SEMA6A: variants seen among roughly 807,000 people sequenced by gnomAD.
SEMA6A encodes the protein semaphorin-6A.
SEMA6A carries 25 observed loss-of-function variants against 96.8 expected under a neutral mutation model. The observed-to-expected ratio is 0.26, with a 90% CI of 0.19 to 0.36. The LOEUF is 0.36. SEMA6A is among the 10% of genes least tolerant of loss of function. The pLI is 1.00. For missense variants in SEMA6A, 1,363 were observed against 1,323.1 expected (o/e 1.03, Z -0.47); for synonymous variants, 612 against 518.0 (o/e 1.18, Z -2.46).
Position 116,454,173 on chromosome 5 carries a change from G to C in SEMA6A, c.1895-6362C>G, listed in dbSNP as rs548811902. Among the ~76,000 whole-genome samples, 3 of 152,292 alleles carry C rather than the reference G, an allele frequency of 2.0e-5. No individual in the cohort carries two copies. The East Asian group carries it at 5.8e-4, about 29-fold the overall frequency. ...ACCACAAAGACAACAAAGCCTCTCT[G>C]TGTCCTTTAGAGAAATATGCAAAGG... On this transcript the variant is annotated intron_variant, in intron 18 of 18. Transcript: ENST00000343348.
intron 13 of SEMA6A, 51 bp from the exon 14 acceptor site, chr5:116,478,205 C>T (rs375849875): frequency 1.8e-5 from 28 of 1,582,264 alleles, no homozygotes; most frequent in African/African-American, 1.2e-4. Flanking sequence ...CTCTTTTTCT[C>T]GGCCCCACCC....
Position 116,478,583 on chromosome 5 carries a change from G to T in SEMA6A, c.1386C>A (p.Asp462Glu), listed in dbSNP as rs766526728. The T allele has an allele frequency of 6.2e-7, 1 of 1,613,036 alleles. No homozygotes were observed. The highest frequency in any genetic ancestry group is 8.5e-7 in the Non-Finnish European group (1 of 1,179,550). ...CACTCATCTCCTCCAGGAAAAGGCT[G>T]TCATTTAGAAAACCACTATTTCCTA... ...ARIGNSGFLNDSLFLEEMSVY... is the reference protein window; with the variant it reads ...ARIGNSGFLNESLFLEEMSVY... The change falls in exon 13 of 19, where the codon GAC becomes GAA. Residue 462 changes from aspartate to glutamate, a missense_variant. Asp to Glu is a conservative substitution (Grantham distance 45, BLOSUM62 2). Coordinates refer to ENST00000343348, the MANE Select transcript of SEMA6A (RefSeq NM_020796.5).
At chr5:116,474,171 C>G (rs1049102682) in intron 16 of SEMA6A, among the ~76,000 whole-genome samples, 2 of 152,044 alleles carry the variant, frequency 1.3e-5, no homozygotes, top group African/African-American at 4.8e-5. Context: ...TGATCCAAAT[C>G]TACACCCCTA....
At chr5:116,459,654 CA>C (rs1402097541) in intron 18 of SEMA6A, among the ~76,000 whole-genome samples, 3 of 152,116 alleles carry the variant, frequency 2.0e-5, no homozygotes, top group African/African-American at 4.8e-5. Flanking sequence ...ACTTTTCCTT[CA>C]AGACTTTGAA....
At chr5:116,570,478 G>A (rs2112923832) in intron 1 of SEMA6A, among the ~76,000 whole-genome samples, 1 of 152,290 alleles carries the variant, frequency 6.6e-6, no homozygotes, top group Non-Finnish European at 1.5e-5. Context: ...TACTCTAGGA[G>A]GACAGAAAAT....
At chr5:116,482,404 T>C in intron 11 of SEMA6A, 40 bp downstream of exon 11, 1 of 1,595,618 alleles carries the variant, frequency 6.3e-7, no homozygotes, top group Non-Finnish European at 8.6e-7. Flanking sequence ...GCTTTGCCAT[T>C]TCTAAAGTTT....
chr5:116,522,642 A>C (rs1171399965), intron 1 of SEMA6A, among the ~76,000 whole-genome samples: 2 of 152,210 alleles, frequency 1.3e-5, no homozygotes, highest in Non-Finnish European at 2.9e-5. Context: ...TAACACAAAG[A>C]ATCAGATGAG....
intron 18 of SEMA6A, among the ~76,000 whole-genome samples, chr5:116,456,316 C>A (rs1210153246): frequency 6.6e-6 from 1 of 152,156 alleles, no homozygotes; most frequent in Non-Finnish European, 1.5e-5. Flanking sequence ...CCAGATGATT[C>A]TTAAGTTCTC....
intron 10 of SEMA6A, among the ~76,000 whole-genome samples, chr5:116,484,261 G>A (rs919195906): frequency 5.3e-5 from 8 of 151,996 alleles, no homozygotes; most frequent in South Asian, 2.1e-4. Context: ...GATGCACCTC[G>A]TAATAACTAA....
intron 1 of SEMA6A, among the ~76,000 whole-genome samples, chr5:116,529,582 C>T (rs1561519783): frequency 6.6e-6 from 1 of 152,086 alleles, no homozygotes; most frequent in Non-Finnish European, 1.5e-5. Context: ...GACCACGCAG[C>T]TGGAGAACAT....
At chr5:116,552,551 C>T (rs1280262976) in intron 1 of SEMA6A, among the ~76,000 whole-genome samples, 1 of 152,156 alleles carries the variant, frequency 6.6e-6, no homozygotes, top group African/African-American at 2.4e-5. Flanking sequence ...CTTCTCCATC[C>T]TTCAGCATAG....
At chr5:116,449,394 C>T (rs1754487275) in intron 18 of SEMA6A, 1 of 701,416 alleles carries the variant, frequency 1.4e-6, no homozygotes, top group Non-Finnish European at 2.6e-6. Flanking sequence ...ATTTTACTGG[C>T]AGGTATCAGT....
chr5:116,460,433 A>G (rs1755308564), intron 18 of SEMA6A, among the ~76,000 whole-genome samples: 3 of 152,208 alleles, frequency 2.0e-5, no homozygotes, highest in Admixed American at 6.5e-5. Flanking sequence ...GCCAAATGTA[A>G]TATATAAATT....
intron 6 of SEMA6A, among the ~76,000 whole-genome samples, chr5:116,492,823 G>A (rs1457812215): frequency 6.6e-6 from 1 of 152,160 alleles, no homozygotes; most frequent in Non-Finnish European, 1.5e-5. Flanking sequence ...GTTTTTCACT[G>A]GAAGACTGGT....
chr5:116,544,213 C>T (rs960613462), intron 1 of SEMA6A, among the ~76,000 whole-genome samples: 47 of 152,078 alleles, frequency 3.1e-4, no homozygotes, highest in African/African-American at 1.1e-3. Context: ...TGCTTGGATG[C>T]GGGGTCTACG....
intron 1 of SEMA6A, among the ~76,000 whole-genome samples, chr5:116,573,929 G>C (rs571746233): frequency 6.6e-6 from 1 of 150,460 alleles, no homozygotes; most frequent in East Asian, 2.0e-4. Context: ...GCGGCGCCGG[G>C]CGTGTGCGCA....
rs1756593795 is a variant in SEMA6A at position 116,478,661 on chromosome 5, A to G, written c.1308T>C (p.Thr436=). Residue 436 remains threonine, a synonymous_variant, in exon 13 of 19, where the codon ACT becomes ACC. Transcript: ENST00000343348. ...CCTTCTCTGATCCCAGAAAAACCAC[A>G]GTGTGATTCTGATATGGCCCAGCAG... ...DTAAGPYQNH[T]VVFLGSEKGI... The G allele has an allele frequency of 6.2e-7, 1 of 1,613,672 alleles. No individual in the cohort carries two copies. The highest frequency in any genetic ancestry group is 1.1e-5 in the South Asian group (1 of 91,058).
rs142789596 is a variant in SEMA6A at position 116,573,197 on chromosome 5, T to C, written c.-39+988A>G. On this transcript the variant is annotated intron_variant, in intron 1 of 18. Transcript: ENST00000343348. ...GCCCGGCTTACTCTCCAGCGCCCCA[T>C]TGCCCCCATGGTAGCGCCCTAGGAC... Among the ~76,000 whole-genome samples the C allele has an allele frequency of 3.4e-3, 522 of 152,254 alleles. 5 individuals carry two copies. The highest frequency in any genetic ancestry group is 0.011 in the African/African-American group (468 of 41,560).
rs1262753986 is a variant in SEMA6A at position 116,538,761 on chromosome 5, G to A, written c.-38-33779C>T. ...ATAAATAAATAAAATAAACATTTTA[G>A]ACAAAACTAAAGTCCTGCTTGACCA... On this transcript the variant is annotated intron_variant, in intron 1 of 18. Coordinates refer to ENST00000343348, the MANE Select transcript of SEMA6A (RefSeq NM_020796.5). 2.0e-5 allele frequency among the ~76,000 whole-genome samples: 3 copies of A among 151,922 alleles called. No individual in the cohort carries two copies. The East Asian group carries it at 5.8e-4, about 29-fold the overall frequency.
Sources: allele counts gnomAD v4.1 joint callset (sites outside exome capture counted in the v4.1 genomes callset), GRCh38; gene constraint gnomAD v4.1.1; transcripts MANE v1.5; gene names NCBI Gene and HGNC (gene_info 2026-07-23, HGNC 2026-07-21).